Variants in CATSPER3 observed in about 807,000 individuals in gnomAD.
CATSPER3 encodes the protein cation channel sperm associated 3, also known as cation channel sperm-associated protein 3.
Under a neutral mutation model 36.6 loss-of-function variants are expected in CATSPER3, and 23 were observed. The ratio of observed to expected loss-of-function variants is 0.63; its 90% CI spans 0.45 to 0.89. CATSPER3 has a LOEUF of 0.89. Among genes scored for constraint, CATSPER3 ranks in the 40% least tolerant of loss-of-function variants. The pLI, the probability that CATSPER3 is intolerant of heterozygous loss-of-function variation, is 0.00. For synonymous variants in CATSPER3, 172 were observed against 184.1 expected (o/e 0.93, Z 0.53); for missense variants, 474 against 503.9 (o/e 0.94, Z 0.57).
At chr5:135,005,100 T>G (rs1185616995) in intron 3 of CATSPER3, among the ~76,000 whole-genome samples, 3 of 152,074 alleles carry the variant, frequency 2.0e-5, no homozygotes, top group African/African-American at 7.2e-5. Context: ...AGGGAGGGCT[T>G]CCATCTTGGA....
At position 135,002,771 on chromosome 5, in the gene CATSPER3, G is replaced by A. The variant is rs148401256; in HGVS notation, c.493-5186G>A. Among the ~76,000 whole-genome samples, 890 of 152,180 alleles carry A rather than the reference G, an allele frequency of 5.8e-3. 9 individuals carry two copies. The highest frequency in any genetic ancestry group is 0.02 in the African/African-American group (814 of 41,508). On this transcript the variant is annotated intron_variant, in intron 3 of 7. Transcript: ENST00000282611. ...GGCTACTGAAGCTTGTGCATGCATCGCGTAGTTCTCGTACCATGGTTTTCA... is the reference window on the plus strand; with the variant it reads ...GGCTACTGAAGCTTGTGCATGCATCACGTAGTTCTCGTACCATGGTTTTCA...
intron 2 of CATSPER3, among the ~76,000 whole-genome samples, chr5:134,991,769 A>G (rs1751881771): frequency 6.6e-6 from 1 of 152,216 alleles, no homozygotes; most frequent in African/African-American, 2.4e-5. Flanking sequence ...TACAGACAAC[A>G]AAAGAAAAAA....
chr5:135,004,527 G>C (rs1752060773), intron 3 of CATSPER3, among the ~76,000 whole-genome samples: 1 of 152,202 alleles, frequency 6.6e-6, no homozygotes, highest in African/African-American at 2.4e-5. Flanking sequence ...GGTGTTCATG[G>C]TCAGATGGGC....
rs148436794 is a variant in CATSPER3 at position 134,996,390 on chromosome 5, G to A, written c.370G>A (p.Val124Ile). ...YNLLDVIIII[V>I]MFLPYALRQL... Reference sequence around the variant, plus strand: ...CCTGCTGGATGTGATCATTATCATCGTTATGTTTTTACCCTATGCCCTCCG... The same window carrying A: ...CCTGCTGGATGTGATCATTATCATCATTATGTTTTTACCCTATGCCCTCCG... Residue 124 changes from valine to isoleucine, a missense_variant, in exon 3 of 8, where the codon GTT (valine) becomes ATT (isoleucine). Transcript: ENST00000282611. The A allele has an allele frequency of 1.4e-4, 233 of 1,614,242 alleles. No individual in the cohort carries two copies. Among genetic ancestry groups the A allele is most frequent in the Admixed American group, 4.8e-4 (29 of 60,034 alleles).
chr5:134,975,975 T>C lies in CATSPER3; in HGVS notation c.252+5883T>C, dbSNP rs571425567. ...GACAAAATCCTGTCATTTGCAGCAATGTGGATGAACTTAGAAGACATTATG... is the reference window on the plus strand; with the variant it reads ...GACAAAATCCTGTCATTTGCAGCAACGTGGATGAACTTAGAAGACATTATG... On this transcript the variant is annotated intron_variant, in intron 2 of 7. Transcript: ENST00000282611. Among the ~76,000 whole-genome samples the C allele has an allele frequency of 2.6e-5, 4 of 152,242 alleles. No homozygotes were observed. In the South Asian group the frequency reaches 8.3e-4, roughly 32 times the overall value.
chr5:134,993,634 A>G (rs865921746), intron 2 of CATSPER3, among the ~76,000 whole-genome samples: 38 of 152,234 alleles, frequency 2.5e-4, no homozygotes, highest in African/African-American at 8.9e-4. Flanking sequence ...TTTTATGCCA[A>G]TAAATTTGAA....
At chr5:134,998,096 T>A (rs190201126) in intron 3 of CATSPER3, among the ~76,000 whole-genome samples, 1 of 151,888 alleles carries the variant, frequency 6.6e-6, no homozygotes, top group Non-Finnish European at 1.5e-5. Flanking sequence ...CAGGCCCCGG[T>A]GTGTGATGTT....
chr5:134,993,773 G>T (rs3909395), intron 2 of CATSPER3, among the ~76,000 whole-genome samples: 1 of 151,966 alleles, frequency 6.6e-6, no homozygotes, highest in Non-Finnish European at 1.5e-5. Context: ...AATTTCTACT[G>T]CCCAAAACAA....
intron 2 of CATSPER3, among the ~76,000 whole-genome samples, chr5:134,970,876 AC>A: frequency 6.6e-6 from 1 of 152,154 alleles, no homozygotes; most frequent in Admixed American, 6.5e-5. Flanking sequence ...CTGGCCAGTG[AC>A]ATGGTTTTTA....
At chr5:135,005,992 G>A (rs1039959500) in intron 3 of CATSPER3, among the ~76,000 whole-genome samples, 1 of 152,310 alleles carries the variant, frequency 6.6e-6, no homozygotes, top group South Asian at 2.1e-4. Context: ...TCCAGAGCCC[G>A]GGAGAGCTGA....
At chr5:134,987,483 A>C (rs956192900) in intron 2 of CATSPER3, among the ~76,000 whole-genome samples, 5 of 152,222 alleles carry the variant, frequency 3.3e-5, no homozygotes, top group Non-Finnish European at 7.3e-5. Context: ...CTCATCCATG[A>C]GACCAGCACA....
intron 2 of CATSPER3, among the ~76,000 whole-genome samples, chr5:134,993,671 A>T (rs191936564): frequency 1.3e-5 from 2 of 152,186 alleles, no homozygotes; most frequent in Admixed American, 6.5e-5. Context: ...ATAATTTTCT[A>T]AAAAAAATTA....
At chr5:135,010,577 G>T (rs1335506144) in intron 7 of CATSPER3, 47 bp downstream of exon 7, 2 of 1,575,658 alleles carry the variant, frequency 1.3e-6, no homozygotes, top group Non-Finnish European at 1.7e-6. Flanking sequence ...CTTCCTCGAG[G>T]TTGGGCTGTG....
chr5:134,969,015 T>A (rs1311979883), intron 1 of CATSPER3: 1 of 152,194 alleles, frequency 6.6e-6, no homozygotes, highest in African/African-American at 2.4e-5. Context: ...ACAAAAGATA[T>A]AAAAATGGAT....
intron 3 of CATSPER3, among the ~76,000 whole-genome samples, chr5:135,004,314 C>T (rs945521706): frequency 8.5e-5 from 13 of 152,162 alleles, no homozygotes; most frequent in East Asian, 5.8e-4. Flanking sequence ...CAGAAATGCC[C>T]GTGTGGGGTG....
rs1243230123 is a variant in CATSPER3, at chr5:134,977,467, G to C, written c.252+7375G>C. ...AGGGATAACAAGGGTGACCTTTATT[G>C]TAGTTCTCAATAGACTCCACATTTC... On this transcript the variant is annotated intron_variant, in intron 2 of 7. Coordinates refer to ENST00000282611, the MANE Select transcript of CATSPER3 (RefSeq NM_178019.3). 2.0e-5 allele frequency among the ~76,000 whole-genome samples: 3 copies of C among 152,166 alleles called. No individual in the cohort carries two copies. In the East Asian group the frequency reaches 5.8e-4, roughly 29 times the overall value.
At position 135,002,901 on chromosome 5, in the gene CATSPER3, TC is replaced by T. The variant is rs1580913908; in HGVS notation, c.493-5054del. On this transcript the variant is annotated intron_variant, in intron 3 of 7. Coordinates refer to ENST00000282611, the MANE Select transcript of CATSPER3 (RefSeq NM_178019.3). Reference sequence around the variant, plus strand: ...AGCTTCTTTGTGATGGGTTCGAACATCCTCCTTTAGCTTGGAGAAGTTTGAT... The same window carrying T: ...AGCTTCTTTGTGATGGGTTCGAACATCTCCTTTAGCTTGGAGAAGTTTGAT... Among the ~76,000 whole-genome samples the T allele has an allele frequency of 2.6e-5, 4 of 152,346 alleles. No homozygotes were observed. The East Asian group carries it at 7.7e-4, about 29-fold the overall frequency.
At chr5:134,971,101 C>T (rs908823243) in intron 2 of CATSPER3, among the ~76,000 whole-genome samples, 1 of 152,106 alleles carries the variant, frequency 6.6e-6, no homozygotes, top group African/African-American at 2.4e-5. Context: ...AGGCGCCCGC[C>T]ACAACGCCCG....
intron 2 of CATSPER3, among the ~76,000 whole-genome samples, chr5:134,993,596 G>A (rs1751908505): frequency 6.6e-6 from 1 of 152,226 alleles, no homozygotes; most frequent in South Asian, 2.1e-4. Flanking sequence ...GGGAAGTACA[G>A]ATACGGTAGA....
Sources: allele counts gnomAD v4.1 joint callset (sites outside exome capture counted in the v4.1 genomes callset), GRCh38; gene constraint gnomAD v4.1.1; transcripts MANE v1.5; gene names NCBI Gene and HGNC (gene_info 2026-07-23, HGNC 2026-07-21).